The following DRC11 variants were observed in gnomAD, a reference collection of about 807,000 sequenced individuals.
DRC11 encodes the protein dynein regulatory complex subunit 11.
chr2:236,419,514 A>C, the DRC11 span, among the ~76,000 whole-genome samples: 2 of 152,124 alleles, frequency 1.3e-5, no homozygotes, highest in Non-Finnish European at 2.9e-5. The surrounding 1 kb of genome is among the most constrained non-coding windows in gnomAD (Gnocchi z 4.8). Flanking sequence ...GACGTTTCTG[A>C]GCCCAGTTCC....
the DRC11 span, among the ~76,000 whole-genome samples, chr2:236,468,805 T>A: frequency 1.3e-5 from 2 of 152,238 alleles, no homozygotes; most frequent in African/African-American, 4.8e-5. Context: ...TTGCCTCTGA[T>A]GAAAGTGTAA....
At chr2:236,492,015 A>G in the DRC11 span, among the ~76,000 whole-genome samples, 1 of 152,164 alleles carries the variant, frequency 6.6e-6, no homozygotes, top group African/African-American at 2.4e-5. Context: ...TAAAAGGATG[A>G]GCTCACCGCC....
the DRC11 span, among the ~76,000 whole-genome samples, chr2:236,423,886 T>C: frequency 6.6e-6 from 1 of 151,700 alleles, no homozygotes; most frequent in Non-Finnish European, 1.5e-5. Flanking sequence ...AAACGATGAG[T>C]TCATGTCCTT....
the DRC11 span, among the ~76,000 whole-genome samples, chr2:236,357,765 TA>T: frequency 4.0e-5 from 5 of 126,554 alleles, no homozygotes; most frequent in East Asian, 1.2e-3. Context: ...AATATACATA[TA>T]CTATGTAAAT....
the DRC11 span, among the ~76,000 whole-genome samples, chr2:236,503,109 A>G: frequency 2.0e-4 from 30 of 152,382 alleles, no homozygotes; most frequent in African/African-American, 5.8e-4. The surrounding 1 kb of genome is among the most constrained non-coding windows in gnomAD (Gnocchi z 4.9). Flanking sequence ...GTAAAAGTTA[A>G]AAGGCATCTT....
the DRC11 span, among the ~76,000 whole-genome samples, chr2:236,361,654 A>G: frequency 2.6e-5 from 4 of 152,176 alleles, no homozygotes; most frequent in African/African-American, 9.6e-5. The surrounding 1 kb of genome is among the most constrained non-coding windows in gnomAD (Gnocchi z 5.7). Context: ...ACCACTAAAA[A>G]AGAAAATAAA....
At chr2:236,417,608 C>T in the DRC11 span, among the ~76,000 whole-genome samples, 10 of 151,084 alleles carry the variant, frequency 6.6e-5, no homozygotes, top group East Asian at 3.9e-4. Context: ...ATGTGCAGAA[C>T]GTACAGGTTT....
the DRC11 span, among the ~76,000 whole-genome samples, chr2:236,410,479 T>C: frequency 6.6e-6 from 1 of 151,094 alleles, no homozygotes; most frequent in East Asian, 1.9e-4. Flanking sequence ...CCCAAGGTAA[T>C]TTACAGATTC....
At chr2:236,320,066 C>CA in the DRC11 span, among the ~76,000 whole-genome samples, 3 of 152,174 alleles carry the variant, frequency 2.0e-5, no homozygotes, top group Non-Finnish European at 4.4e-5. Context: ...TAGCATGAGC[C>CA]AAAAAACCAC....
At chr2:236,440,892 G>C in the DRC11 span, 4 of 589,930 alleles carry the variant, frequency 6.8e-6, no homozygotes, top group Non-Finnish European at 1.2e-5. Flanking sequence ...ATGAAAGTGT[G>C]TACAATGATG....
chr2:236,493,708 C>A, the DRC11 span: 2 of 1,356,046 alleles, frequency 1.5e-6, no homozygotes, highest in Admixed American at 2.4e-5. Context: ...CAATTAGGAG[C>A]AGCAGAAAAA....
At chr2:236,329,202 T>C in the DRC11 span, among the ~76,000 whole-genome samples, 1 of 152,228 alleles carries the variant, frequency 6.6e-6, no homozygotes, top group African/African-American at 2.4e-5. Flanking sequence ...GGATAATCTA[T>C]CTTCAGGTCA....
At chr2:236,494,513 T>C in the DRC11 span, among the ~76,000 whole-genome samples, 2 of 152,256 alleles carry the variant, frequency 1.3e-5, no homozygotes, top group African/African-American at 4.8e-5. The surrounding 1 kb of genome is among the most constrained non-coding windows in gnomAD (Gnocchi z 4.2). Flanking sequence ...TAAAAAGGAG[T>C]ACAGAAGTGC....
At chr2:236,399,309 C>T in the DRC11 span, 2 of 948,314 alleles carry the variant, frequency 2.1e-6, no homozygotes, top group Non-Finnish European at 3.4e-6. This position sits in a 1 kb window ranked among gnomAD's most constrained non-coding sequence, Gnocchi z 7.0. Context: ...AAAATAGAGA[C>T]AGGCAGAATG....
At chr2:236,413,970 T>C in the DRC11 span, among the ~76,000 whole-genome samples, 1 of 152,222 alleles carries the variant, frequency 6.6e-6, no homozygotes, top group African/African-American at 2.4e-5. The surrounding 1 kb of genome is among the most constrained non-coding windows in gnomAD (Gnocchi z 4.0). Context: ...CTGCTATCAG[T>C]TAGCAGAAAA....
At chr2:236,341,459 G>C in the DRC11 span, among the ~76,000 whole-genome samples, 1 of 152,344 alleles carries the variant, frequency 6.6e-6, no homozygotes, top group African/African-American at 2.4e-5. Context: ...GGTACTTGGA[G>C]TTTGGACTTT....
the DRC11 span, among the ~76,000 whole-genome samples, chr2:236,473,456 C>A: frequency 3.3e-5 from 5 of 152,160 alleles, no homozygotes; most frequent in Admixed American, 6.5e-5. This position sits in a 1 kb window ranked among gnomAD's most constrained non-coding sequence, Gnocchi z 4.8. Context: ...GGAAAGTGAA[C>A]AGGGTTTTAC....
At chr2:236,420,174 T>C in the DRC11 span, among the ~76,000 whole-genome samples, 2 of 152,198 alleles carry the variant, frequency 1.3e-5, no homozygotes, top group African/African-American at 4.8e-5. This position sits in a 1 kb window ranked among gnomAD's most constrained non-coding sequence, Gnocchi z 4.8. Context: ...TGGGGGTTGC[T>C]GTTGTTGCCC....
the DRC11 span, among the ~76,000 whole-genome samples, chr2:236,440,653 C>A: frequency 6.6e-6 from 1 of 152,086 alleles, no homozygotes; most frequent in Non-Finnish European, 1.5e-5. Context: ...ATGGCACACC[C>A]AAAGGAGCAG....
Sources: allele counts gnomAD v4.1 joint callset (sites outside exome capture counted in the v4.1 genomes callset), GRCh38; gene constraint gnomAD v4.1.1; non-coding constraint Gnocchi (gnomAD v3.1); transcripts MANE v1.5; gene names NCBI Gene and HGNC (gene_info 2026-07-23, HGNC 2026-07-21).